The following KIRREL3 variants were observed in gnomAD, a reference collection of about 807,000 sequenced individuals.
The protein encoded by KIRREL3 is kin of IRRE-like protein 3.
KIRREL3 carries 36 observed loss-of-function variants against 89.7 expected under a neutral mutation model. That is an observed-to-expected ratio of 0.40 (90% CI 0.31 to 0.53). The LOEUF (loss-of-function observed/expected upper bound fraction) is 0.53. KIRREL3 is among the 20% of genes least tolerant of loss of function. KIRREL3 has a pLI of 0.49. For missense variants in KIRREL3, 864 were observed against 1,056.6 expected (o/e 0.82, Z 2.53); for synonymous variants, 445 against 441.4 (o/e 1.01, Z -0.10).
At chr11:126,493,648 C>G (rs1449040265) in intron 4 of KIRREL3, among the ~76,000 whole-genome samples, 2 of 78,972 alleles carry the variant, frequency 2.5e-5, no homozygotes, top group Admixed American at 2.0e-4. Context: ...GAGCAAGACT[C>G]TGTCTCAAAA....
In KIRREL3 at chr11:126,797,702, A is replaced by T. The variant is rs915988737; in HGVS notation, c.55+202753T>A. 5.9e-5 allele frequency among the ~76,000 whole-genome samples: 9 copies of T among 152,180 alleles called. No homozygotes were observed. Among genetic ancestry groups the T allele is most frequent in the Non-Finnish European group, 8.8e-5 (6 of 68,026 alleles). ...GCACTGGGTCGATGTATATGAGGAAAGCACAGAATCACATGGTTGAAAAGA... is the reference window on the plus strand; with the variant it reads ...GCACTGGGTCGATGTATATGAGGAATGCACAGAATCACATGGTTGAAAAGA... On this transcript the variant is annotated intron_variant, in intron 1 of 16. Transcript: ENST00000525144. The surrounding 1 kb of genome is among the most constrained non-coding windows in gnomAD (Gnocchi z 4.9).
intron 1 of KIRREL3, among the ~76,000 whole-genome samples, chr11:126,929,587 C>T (rs920140087): frequency 1.3e-5 from 2 of 152,216 alleles, no homozygotes; most frequent in African/African-American, 4.8e-5. Context: ...GCAAACAGAG[C>T]CTCCTCAAGC....
In KIRREL3 at chr11:126,635,118, A is replaced by G. The variant is rs1211571092; in HGVS notation, c.56-72206T>C. Among the ~76,000 whole-genome samples, 1 of 152,238 alleles carries G rather than the reference A, an allele frequency of 6.6e-6. No individual in the cohort carries two copies. Among genetic ancestry groups the G allele is most frequent in the East Asian group, 1.9e-4 (1 of 5,196 alleles). Reference sequence around the variant, plus strand: ...CTTTTAAGGATTGACCTTTTGCTCAATGAGCAGGATTGAACCTTGAACCCA... The same window carrying G: ...CTTTTAAGGATTGACCTTTTGCTCAGTGAGCAGGATTGAACCTTGAACCCA... On this transcript the variant is annotated intron_variant, in intron 1 of 16. Transcript: ENST00000525144. The surrounding 1 kb of genome is among the most constrained non-coding windows in gnomAD (Gnocchi z 4.0).
intron 1 of KIRREL3, among the ~76,000 whole-genome samples, chr11:126,779,675 C>A (rs865982113): frequency 6.6e-6 from 1 of 152,250 alleles, no homozygotes; most frequent in South Asian, 2.1e-4. Context: ...TTAATAAATG[C>A]TTGTCACATA....
chr11:126,885,995 G>C (rs145184030), intron 1 of KIRREL3, among the ~76,000 whole-genome samples: 1 of 152,108 alleles, frequency 6.6e-6, no homozygotes, highest in Non-Finnish European at 1.5e-5. Context: ...CATTTAATGC[G>C]TTCCTCACTT....
intron 1 of KIRREL3, among the ~76,000 whole-genome samples, chr11:126,665,823 A>T (rs1459331805): frequency 6.6e-6 from 1 of 152,232 alleles, no homozygotes; most frequent in Non-Finnish European, 1.5e-5. Context: ...TCTGCCTGCA[A>T]CACTTAGCTG....
In KIRREL3 at chr11:126,977,771, T is replaced by C. The variant is rs600903; in HGVS notation, c.55+22684A>G. On this transcript the variant is annotated intron_variant, in intron 1 of 16. Transcript: ENST00000525144. The surrounding 1 kb of genome is among the most constrained non-coding windows in gnomAD (Gnocchi z 4.7). Reference sequence around the variant, plus strand: ...CTGCTTGTAAGGCAATTAAAAAGTATGTCAAGAACACTGTTTCAGCAGGAC... The same window carrying C: ...CTGCTTGTAAGGCAATTAAAAAGTACGTCAAGAACACTGTTTCAGCAGGAC... Among the ~76,000 whole-genome samples, 13,948 of 152,270 alleles carry C rather than the reference T, an allele frequency of 0.092. 882 individuals are homozygous for C. Among genetic ancestry groups the C allele is most frequent in the Middle Eastern group, 0.2 (59 of 294 alleles).
At chr11:126,818,135 G>A (rs1289386700) in intron 1 of KIRREL3, among the ~76,000 whole-genome samples, 1 of 152,204 alleles carries the variant, frequency 6.6e-6, no homozygotes, top group Admixed American at 6.5e-5. Flanking sequence ...AGGTTGTAAG[G>A]TGAGTCTAAG....
intron 1 of KIRREL3, among the ~76,000 whole-genome samples, chr11:126,720,886 G>A (rs1195095749): frequency 6.6e-6 from 1 of 152,172 alleles, no homozygotes; most frequent in Non-Finnish European, 1.5e-5. Flanking sequence ...AAAGGGCAGA[G>A]AGCAGGAAGA....
At position 126,923,129 on chromosome 11, in the gene KIRREL3, C is replaced by CTTCT. The variant is rs1555090094; in HGVS notation, c.55+77325_55+77326insAGAA. 1.0e-3 allele frequency among the ~76,000 whole-genome samples: 26 copies of CTTCT among 25,734 alleles called. 3 individuals are homozygous for CTTCT. Among genetic ancestry groups the CTTCT allele is most frequent in the South Asian group, 3.1e-3 (2 of 644 alleles). 16.9% of individuals were successfully genotyped at this position (25,734 alleles called of 152,430 possible). ...CCTTCTCCTTCTCCTTCTCCTTCTT[C>CTTCT]TCTTCTTCTTCTTCTTCTTCTTCTT... On this transcript the variant is annotated intron_variant, in intron 1 of 16. Transcript: ENST00000525144.
rs927916023 is a variant in KIRREL3, at chr11:126,535,794, G to C, written c.134-9107C>G. On this transcript the variant is annotated intron_variant, in intron 2 of 16. Transcript: ENST00000525144. This position sits in a 1 kb window ranked among gnomAD's most constrained non-coding sequence, Gnocchi z 4.5. Reference sequence around the variant, plus strand: ...GAGGTCAGGGGTTCGAGACCAGCCTGACCAACATGGTGAAACCCCGTCTCT... The same window carrying C: ...GAGGTCAGGGGTTCGAGACCAGCCTCACCAACATGGTGAAACCCCGTCTCT... Among the ~76,000 whole-genome samples the C allele has an allele frequency of 6.6e-6, 1 of 152,238 alleles. No homozygotes were observed. The highest frequency in any genetic ancestry group is 2.4e-5 in the African/African-American group (1 of 41,466).
At chr11:126,866,076 C>A (rs1365913951) in intron 1 of KIRREL3, among the ~76,000 whole-genome samples, 2 of 152,130 alleles carry the variant, frequency 1.3e-5, no homozygotes, top group Non-Finnish European at 2.9e-5. Flanking sequence ...CCGGTGTCAG[C>A]CTGTCTTTGG....
In KIRREL3 at chr11:126,669,153, C is replaced by T. The variant is rs935531739; in HGVS notation, c.56-106241G>A. On this transcript the variant is annotated intron_variant, in intron 1 of 16. Coordinates refer to ENST00000525144, the MANE Select transcript of KIRREL3 (RefSeq NM_032531.4). This position sits in a 1 kb window ranked among gnomAD's most constrained non-coding sequence, Gnocchi z 5.0. ...TTGTTTTTGCTTTGGTTTTTTGCTTCTCTGGGGTATGGGTCTTCATCTTGT... is the reference window on the plus strand; with the variant it reads ...TTGTTTTTGCTTTGGTTTTTTGCTTTTCTGGGGTATGGGTCTTCATCTTGT... Among the ~76,000 whole-genome samples the T allele has an allele frequency of 4.6e-5, 7 of 152,122 alleles. No individual in the cohort carries two copies. The highest frequency in any genetic ancestry group is 1.7e-4 in the African/African-American group (7 of 41,422).
intron 1 of KIRREL3, chr11:126,937,176 C>G (rs904730505): frequency 6.6e-6 from 1 of 152,166 alleles, no homozygotes; most frequent in Non-Finnish European, 1.5e-5. Flanking sequence ...ACAGGATAAC[C>G]TCCAGCTTAG....
intron 1 of KIRREL3, among the ~76,000 whole-genome samples, chr11:126,824,639 A>C (rs1383156428): frequency 6.6e-6 from 1 of 152,242 alleles, no homozygotes; most frequent in Non-Finnish European, 1.5e-5. Flanking sequence ...TAAATCAGAG[A>C]CAAATGGTTG....
chr11:126,851,964 C>T (rs1419468771), intron 1 of KIRREL3, among the ~76,000 whole-genome samples: 1 of 152,030 alleles, frequency 6.6e-6, no homozygotes, highest in South Asian at 2.1e-4. Flanking sequence ...GGCCTTTGCA[C>T]CTGCAGCCTC....
At chr11:126,868,825 C>A (rs1592252467) in intron 1 of KIRREL3, among the ~76,000 whole-genome samples, 1 of 152,086 alleles carries the variant, frequency 6.6e-6, no homozygotes, top group East Asian at 1.9e-4. Context: ...GCTGGGAAGT[C>A]CAAGACCAAG....
rs1004890581 is a variant in KIRREL3, at chr11:126,723,933, C to T, written c.56-161021G>A. On this transcript the variant is annotated intron_variant, in intron 1 of 16. Transcript: ENST00000525144. The surrounding 1 kb of genome is among the most constrained non-coding windows in gnomAD (Gnocchi z 4.0). ...TTAGGAATTTTCTTCTATTCAAGAT[C>T]ATAATTGCAGAAAACTAGACCAATG... Among the ~76,000 whole-genome samples, 9 of 152,148 alleles carry T rather than the reference C, an allele frequency of 5.9e-5. No individual in the cohort carries two copies. The highest frequency in any genetic ancestry group is 2.2e-4 in the African/African-American group (9 of 41,442).
rs931218630 is a variant in KIRREL3, at chr11:126,535,060, G to A, written c.134-8373C>T. Among the ~76,000 whole-genome samples the A allele has an allele frequency of 1.2e-4, 18 of 152,086 alleles. No individual in the cohort carries two copies. Among genetic ancestry groups the A allele is most frequent in the African/African-American group, 4.1e-4 (17 of 41,382 alleles). On this transcript the variant is annotated intron_variant, in intron 2 of 16. Coordinates refer to ENST00000525144, the MANE Select transcript of KIRREL3 (RefSeq NM_032531.4). This position sits in a 1 kb window ranked among gnomAD's most constrained non-coding sequence, Gnocchi z 4.5. Reference sequence around the variant, plus strand: ...TGGCCTAGGGAGGTGGGCAGGAGGTGGAGCATTTGGTGGCCTTTTGGGGGC... The same window carrying A: ...TGGCCTAGGGAGGTGGGCAGGAGGTAGAGCATTTGGTGGCCTTTTGGGGGC...
Sources: allele counts gnomAD v4.1 joint callset (sites outside exome capture counted in the v4.1 genomes callset), GRCh38; gene constraint gnomAD v4.1.1; non-coding constraint Gnocchi (gnomAD v3.1); transcripts MANE v1.5; gene names NCBI Gene and HGNC (gene_info 2026-07-23, HGNC 2026-07-21).